Variants in NOL4 observed in about 807,000 individuals in gnomAD.
NOL4 encodes the protein cancer/testis antigen 125.
NOL4 carries 17 observed loss-of-function variants against 75.9 expected under a neutral mutation model. The ratio of observed to expected loss-of-function variants is 0.22; its 90% CI spans 0.15 to 0.34. The LOEUF (loss-of-function observed/expected upper bound fraction) is 0.34. Among genes scored for constraint, NOL4 ranks in the 10% least tolerant of loss-of-function variants. The pLI, the probability that NOL4 is intolerant of heterozygous loss-of-function variation, is 1.00. For synonymous variants in NOL4, 292 were observed against 289.9 expected (o/e 1.01, Z -0.07); for missense variants, 614 against 793.5 (o/e 0.77, Z 2.72).
intron 5 of NOL4, among the ~76,000 whole-genome samples, chr18:34,052,358 CT>C (rs1274182886): frequency 1.3e-5 from 2 of 151,550 alleles, no homozygotes; most frequent in Non-Finnish European, 2.9e-5. Context: ...TAAAAAACAA[CT>C]AAAGAAGGAT....
intron 9 of NOL4, among the ~76,000 whole-genome samples, chr18:33,914,545 G>A (rs2066600262): frequency 6.6e-6 from 1 of 152,072 alleles, no homozygotes; most frequent in South Asian, 2.1e-4. Flanking sequence ...CTAAATGAGG[G>A]ATAAGAGCAA....
intron 6 of NOL4, among the ~76,000 whole-genome samples, chr18:33,963,566 T>C (rs978148719): frequency 1.3e-5 from 2 of 152,076 alleles, no homozygotes; most frequent in Non-Finnish European, 2.9e-5. Context: ...AAACCAGAAC[T>C]AAAATAAAGA....
chr18:33,936,767 A>ATGT (rs1568090931), intron 9 of NOL4, among the ~76,000 whole-genome samples: 5 of 152,092 alleles, frequency 3.3e-5, no homozygotes, highest in African/African-American at 1.2e-4. Flanking sequence ...AAACCCTCAC[A>ATGT]TTCTCCAGAA....
chr18:34,016,031 A>T (rs1034313702), intron 6 of NOL4, among the ~76,000 whole-genome samples: 1 of 152,090 alleles, frequency 6.6e-6, no homozygotes, highest in African/African-American at 2.4e-5. Flanking sequence ...TATTCACAGA[A>T]TGTTCACATT....
At chr18:33,869,388 G>C (rs1486288470) in intron 10 of NOL4, among the ~76,000 whole-genome samples, 1 of 151,944 alleles carries the variant, frequency 6.6e-6, no homozygotes, top group Non-Finnish European at 1.5e-5. Flanking sequence ...TTTAATATTT[G>C]TTGCTTTGGG....
At chr18:34,137,177 A>G (rs1217971569) in intron 1 of NOL4, among the ~76,000 whole-genome samples, 1 of 152,198 alleles carries the variant, frequency 6.6e-6, no homozygotes, top group Non-Finnish European at 1.5e-5. Context: ...TGTAAGAGCT[A>G]AAACTCAAAA....
At chr18:33,980,174 C>A (rs958481383) in intron 6 of NOL4, among the ~76,000 whole-genome samples, 2 of 151,960 alleles carry the variant, frequency 1.3e-5, no homozygotes, top group Admixed American at 6.6e-5. Context: ...TAGAGAGAAT[C>A]ACAACTCACT....
chr18:33,886,382 G>T (rs945622070), intron 9 of NOL4, among the ~76,000 whole-genome samples: 3 of 151,766 alleles, frequency 2.0e-5, no homozygotes, highest in Non-Finnish European at 4.4e-5. Flanking sequence ...ACAAAAATTA[G>T]CTGGGCGTGG....
intron 9 of NOL4, among the ~76,000 whole-genome samples, chr18:33,906,423 G>A (rs553381287): frequency 2.0e-5 from 3 of 152,266 alleles, no homozygotes; most frequent in East Asian, 3.9e-4. Flanking sequence ...CTCTAAATAA[G>A]GTCACTGACC....
intron 6 of NOL4, among the ~76,000 whole-genome samples, chr18:33,984,862 A>C (rs6507074): frequency 6.6e-6 from 1 of 151,898 alleles, no homozygotes; most frequent in Non-Finnish European, 1.5e-5. Context: ...TGAATTCTAC[A>C]TTTTTTCGAC....
chr18:34,084,810 C>T (rs1375699453), intron 5 of NOL4, among the ~76,000 whole-genome samples: 1 of 152,124 alleles, frequency 6.6e-6, no homozygotes, highest in Non-Finnish European at 1.5e-5. Flanking sequence ...GCCAATTTAC[C>T]CCTACGTTGT....
chr18:34,084,533 A>G (rs1255257708), intron 5 of NOL4, among the ~76,000 whole-genome samples: 1 of 152,240 alleles, frequency 6.6e-6, no homozygotes, highest in African/African-American at 2.4e-5. Flanking sequence ...AAAAGTATTT[A>G]TATTTTATTG....
chr18:33,903,512 C>G lies in NOL4; in HGVS notation c.1543-20088G>C, dbSNP rs114074014. Among the ~76,000 whole-genome samples, 1,022 of 152,232 alleles carry G rather than the reference C, an allele frequency of 6.7e-3. 10 individuals are homozygous for G. Among genetic ancestry groups the G allele is most frequent in the African/African-American group, 0.023 (961 of 41,552 alleles). On this transcript the variant is annotated intron_variant, in intron 9 of 10. Transcript: ENST00000261592. ...ACACATATCTCATCTAAAGAAGGCA[C>G]TCACTCCTGCCATTATCTGACACCA...
intron 9 of NOL4, among the ~76,000 whole-genome samples, chr18:33,926,625 G>T (rs909107399): frequency 6.6e-6 from 1 of 152,066 alleles, no homozygotes; most frequent in African/African-American, 2.4e-5. Context: ...TGTTTGAGAC[G>T]GAGTCTCGCT....
chr18:34,186,949 C>T (rs1190411868), intron 1 of NOL4, among the ~76,000 whole-genome samples: 1 of 152,158 alleles, frequency 6.6e-6, no homozygotes, highest in Non-Finnish European at 1.5e-5. Flanking sequence ...ATGCTGTATC[C>T]TATCATATAT....
chr18:33,889,838 T>G, intron 9 of NOL4, among the ~76,000 whole-genome samples: 1 of 152,052 alleles, frequency 6.6e-6, no homozygotes, highest in Middle Eastern at 3.4e-3. Context: ...AATTCAACAG[T>G]CCTTCATGCT....
intron 5 of NOL4, among the ~76,000 whole-genome samples, chr18:34,024,181 G>GAAAAAAAA (rs200128545): frequency 2.3e-5 from 2 of 86,962 alleles, no homozygotes; most frequent in African/African-American, 4.4e-5. Context: ...AAATAAACAG[G>GAAAAAAAA]AAAAAAAAAA....
intron 5 of NOL4, among the ~76,000 whole-genome samples, chr18:34,021,224 G>A (rs1042684657): frequency 3.3e-5 from 5 of 152,172 alleles, no homozygotes; most frequent in Admixed American, 2.6e-4. Context: ...TTAAAATGCA[G>A]AGCAAGAAGG....
intron 9 of NOL4, among the ~76,000 whole-genome samples, chr18:33,920,533 G>A (rs1490156594): frequency 6.6e-6 from 1 of 152,172 alleles, no homozygotes. Context: ...GATTGAATTT[G>A]CCTACATGAA....
Sources: allele counts gnomAD v4.1 joint callset (sites outside exome capture counted in the v4.1 genomes callset), GRCh38; gene constraint gnomAD v4.1.1; transcripts MANE v1.5; gene names NCBI Gene and HGNC (gene_info 2026-07-23, HGNC 2026-07-21).